The following CPED1 variants were observed in gnomAD, a reference collection of about 807,000 sequenced individuals.
The protein encoded by CPED1 is cadherin-like and PC-esterase domain-containing protein 1.
CPED1 carries 114 observed loss-of-function variants against 128.2 expected under a neutral mutation model. The ratio of observed to expected loss-of-function variants is 0.89; its 90% confidence interval spans 0.76 to 1.04. The LOEUF (loss-of-function observed/expected upper bound fraction) is 1.04, where lower values mean the gene tolerates loss of function less well. Ranked by LOEUF, CPED1 falls within the 50% of genes least tolerant of loss-of-function variation. The probability of loss-of-function intolerance (pLI) is 0.00; values close to 1 mark genes in which losing one functional copy is unlikely to be tolerated. For missense variants in CPED1, 1,211 were observed against 1,207.1 expected (o/e 1.00, Z -0.05); for synonymous variants, 462 against 426.7 (o/e 1.08, Z -1.02).
At chr7:121,135,742 A>G (rs1332984934) in intron 13 of CPED1, among the ~76,000 whole-genome samples, 2 of 152,106 alleles carry the variant, frequency 1.3e-5, no homozygotes, top group Non-Finnish European at 2.9e-5. Context: ...TTGGGAAATT[A>G]TAGTCATAGG....
At chr7:121,021,831 A>G (rs563441038) in intron 3 of CPED1, among the ~76,000 whole-genome samples, 18 of 152,072 alleles carry the variant, frequency 1.2e-4, no homozygotes, top group Non-Finnish European at 2.2e-4. Context: ...AGAAGTAGTT[A>G]CAGAAAGGAG....
At chr7:121,118,215 T>G (rs1314335903) in intron 7 of CPED1, among the ~76,000 whole-genome samples, 2 of 152,178 alleles carry the variant, frequency 1.3e-5, no homozygotes, top group South Asian at 4.1e-4. Flanking sequence ...TGCTGAACTC[T>G]TCTTGTTCTA....
At chr7:121,163,208 A>G (rs1293129670) in intron 16 of CPED1, among the ~76,000 whole-genome samples, 1 of 152,172 alleles carries the variant, frequency 6.6e-6, no homozygotes, top group Admixed American at 6.5e-5. Flanking sequence ...CCAACCTTCA[A>G]TCAAACATCT....
At chr7:121,119,191 G>C (rs1387954219) in intron 7 of CPED1, among the ~76,000 whole-genome samples, 1 of 148,910 alleles carries the variant, frequency 6.7e-6, no homozygotes, top group East Asian at 2.0e-4. Flanking sequence ...GTTTAAATTT[G>C]CAAACTTTTT....
chr7:121,205,616 T>G (rs1272997659), intron 16 of CPED1, among the ~76,000 whole-genome samples: 3 of 151,912 alleles, frequency 2.0e-5, no homozygotes, highest in Admixed American at 6.6e-5. Flanking sequence ...TAATTACATA[T>G]TATTTTAAAT....
In CPED1 at chr7:121,130,168, A is replaced by C; in HGVS notation, c.1451A>C (p.Glu484Ala). ...TTPGIQSLMH[E>A]FYDVANPVGN... is the part of the protein sequence containing the mutation. ...CCTGGGATTCAGTCACTGATGCATGAATTTTATGATGTGGCAAATCCTGTG... is the reference window on the plus strand; with the variant it reads ...CCTGGGATTCAGTCACTGATGCATGCATTTTATGATGTGGCAAATCCTGTG... Residue 484 changes from glutamate to alanine, a missense_variant, in exon 12 of 23, where the codon GAA becomes GCA. By Grantham distance (107) the Glu-to-Ala change is moderately radical. Coordinates refer to ENST00000310396, the MANE Select transcript of CPED1 (RefSeq NM_024913.5). 5.6e-6 allele frequency: 9 copies of C among 1,613,086 alleles called. No individual in the cohort carries two copies. The highest frequency in any genetic ancestry group is 7.6e-6 in the Non-Finnish European group (9 of 1,179,308).
In CPED1 at chr7:121,097,634, T is replaced by C. The variant is rs1794730572; in HGVS notation, c.617-65T>C. 2.5e-6 allele frequency: 4 copies of C among 1,584,760 alleles called. 1 individual carries two copies. In the South Asian group the frequency reaches 4.5e-5, roughly 18 times the overall value. On this transcript the variant is annotated intron_variant, in intron 5 of 22. Transcript: ENST00000310396. ...CTGCAGTTTAATACAGCATACTCTA[T>C]TTTCAAAGCAGTTCCAGAAAGAAAC...
At chr7:121,058,478 C>T (rs1392841065) in intron 4 of CPED1, among the ~76,000 whole-genome samples, 1 of 152,174 alleles carries the variant, frequency 6.6e-6, no homozygotes, top group Non-Finnish European at 1.5e-5. Context: ...ACACTTACAT[C>T]TCCTTACTGC....
intron 16 of CPED1, among the ~76,000 whole-genome samples, chr7:121,218,904 A>G (rs2116615810): frequency 6.6e-6 from 1 of 152,178 alleles, no homozygotes; most frequent in East Asian, 1.9e-4. Flanking sequence ...GCAGCCTATT[A>G]CCTATTTCCA....
intron 22 of CPED1, among the ~76,000 whole-genome samples, chr7:121,291,817 G>C (rs1036526428): frequency 4.6e-5 from 7 of 152,102 alleles, no homozygotes; most frequent in Non-Finnish European, 7.4e-5. Flanking sequence ...GATTGCCCTG[G>C]CCAGAACTTC....
intron 3 of CPED1, among the ~76,000 whole-genome samples, chr7:121,016,814 A>C (rs1792313695): frequency 6.6e-6 from 1 of 152,108 alleles, no homozygotes; most frequent in Non-Finnish European, 1.5e-5. Context: ...CAATATATCT[A>C]TTTTCCTATT....
At chr7:121,115,116 A>G (rs1795205276) in intron 7 of CPED1, among the ~76,000 whole-genome samples, 1 of 152,200 alleles carries the variant, frequency 6.6e-6, no homozygotes, top group African/African-American at 2.4e-5. Context: ...ACTGGTGGCA[A>G]TGGAAAAAAT....
chr7:121,252,691 C>T (rs964924469), intron 18 of CPED1, among the ~76,000 whole-genome samples: 9 of 152,154 alleles, frequency 5.9e-5, no homozygotes, highest in Admixed American at 5.2e-4. Flanking sequence ...GACATTTATG[C>T]AGCCAAAAAA....
In CPED1 at chr7:121,007,214, G is replaced by A. The variant is rs116305188; in HGVS notation, c.250-8451G>A. On this transcript the variant is annotated intron_variant, in intron 2 of 22. Transcript: ENST00000310396. ...CATTTGCTGGAGTTTGAAGCGTTGC[G>A]AAACTGTTCAGGTTGCATTTTTTTT... 2.5e-3 allele frequency among the ~76,000 whole-genome samples: 372 copies of A among 146,730 alleles called. 1 individual carries two copies. The highest frequency in any genetic ancestry group is 8.6e-3 in the African/African-American group (344 of 40,160).
intron 16 of CPED1, among the ~76,000 whole-genome samples, chr7:121,161,057 A>G (rs914081909): frequency 2.6e-5 from 4 of 152,102 alleles, no homozygotes; most frequent in East Asian, 3.9e-4. Flanking sequence ...ACCACCTCCA[A>G]CCCTTCCGTG....
At chr7:121,189,660 T>A (rs886711912) in intron 16 of CPED1, among the ~76,000 whole-genome samples, 11 of 150,440 alleles carry the variant, frequency 7.3e-5, no homozygotes, top group African/African-American at 2.7e-4. Flanking sequence ...TTATGAAAAA[T>A]AATGAGTTTG....
intron 22 of CPED1, among the ~76,000 whole-genome samples, chr7:121,281,611 T>G (rs765864790): frequency 6.6e-6 from 1 of 152,176 alleles, no homozygotes; most frequent in Non-Finnish European, 1.5e-5. Context: ...AGAATTTCAA[T>G]TCTTGCTACA....
At chr7:121,081,309 G>T (rs2116138788) in intron 5 of CPED1, among the ~76,000 whole-genome samples, 1 of 152,204 alleles carries the variant, frequency 6.6e-6, no homozygotes. Context: ...TGAAGTTGTG[G>T]TTAGAAAGGA....
chr7:121,117,304 T>C (rs540724542), intron 7 of CPED1, among the ~76,000 whole-genome samples: 25 of 151,668 alleles, frequency 1.6e-4, no homozygotes, highest in Non-Finnish European at 2.8e-4. Flanking sequence ...TTTTGCCATA[T>C]TGGCTAGGCT....
Sources: gnomAD v4.1 joint callset for allele counts (sites outside exome capture counted in the v4.1 genomes callset) on GRCh38, gnomAD v4.1.1 for gene constraint, MANE v1.5 for transcripts, NCBI Gene and HGNC (gene_info 2026-07-23, HGNC 2026-07-21) for gene names.